Variants in FOXP1 observed in about 807,000 individuals in gnomAD.
FOXP1 encodes forkhead box protein P1.
Under a neutral mutation model 98.2 loss-of-function variants are expected in FOXP1, and 15 were observed. The ratio of observed to expected loss-of-function variants is 0.15; its 90% CI spans 0.10 to 0.24. The LOEUF (loss-of-function observed/expected upper bound fraction) is 0.24. Ranked by LOEUF, FOXP1 falls within the 10% of genes least tolerant of loss-of-function variation. The pLI is 1.00. For synonymous variants in FOXP1, 371 were observed against 314.5 expected, an observed-to-expected ratio of 1.18 and a Z score of -1.90; for missense variants, 633 against 848.5, an observed-to-expected ratio of 0.75 and a Z score of 3.15.
At chr3:71,240,958 C>T (rs1210402732) in intron 5 of FOXP1, among the ~76,000 whole-genome samples, 2 of 151,960 alleles carry the variant, frequency 1.3e-5, no homozygotes, top group Non-Finnish European at 2.9e-5. Context: ...CGCCTGTAAT[C>T]CCAGCACTTT....
chr3:71,003,164 C>G (rs190924544), intron 12 of FOXP1, among the ~76,000 whole-genome samples: 1 of 152,308 alleles, frequency 6.6e-6, no homozygotes, highest in Admixed American at 6.5e-5. Context: ...AAGTCACCCT[C>G]GCCAAACTGA....
chr3:71,320,212 T>C (rs1396889191), intron 4 of FOXP1, among the ~76,000 whole-genome samples: 1 of 152,086 alleles, frequency 6.6e-6, no homozygotes, highest in Admixed American at 6.5e-5. Flanking sequence ...TAACGTTGCA[T>C]GCTTACCCAC....
At chr3:71,143,890 A>C (rs1226291052) in intron 6 of FOXP1, among the ~76,000 whole-genome samples, 2 of 152,220 alleles carry the variant, frequency 1.3e-5, no homozygotes. Context: ...AATTTGGAAG[A>C]TGGGGCTAAG....
intron 2 of FOXP1, 130 bp downstream of exon 2, chr3:71,581,419 T>C (rs1181703238): frequency 1.0e-6 from 1 of 985,210 alleles, no homozygotes; most frequent in African/African-American, 1.7e-5. Flanking sequence ...ATGGGCACAT[T>C]CCTCGCTCCC....
intron 3 of FOXP1, among the ~76,000 whole-genome samples, chr3:71,365,812 A>G (rs1483832291): frequency 2.6e-5 from 4 of 152,156 alleles, no homozygotes; most frequent in African/African-American, 4.8e-5. Context: ...GTGAAACCCC[A>G]TCTCTACTAA....
At chr3:70,983,002 C>CTCAAG (rs1479335613) in intron 14 of FOXP1, among the ~76,000 whole-genome samples, 13 of 152,240 alleles carry the variant, frequency 8.5e-5, no homozygotes, top group African/African-American at 3.1e-4. Context: ...CCTGAGCCAG[C>CTCAAG]TCAAGTCCTG....
chr3:71,140,063 T>C (rs570242359), intron 6 of FOXP1, among the ~76,000 whole-genome samples: 6 of 152,342 alleles, frequency 3.9e-5, no homozygotes, highest in Admixed American at 1.3e-4. Flanking sequence ...ATCTGTTACA[T>C]AGAATATCTT....
intron 2 of FOXP1, among the ~76,000 whole-genome samples, chr3:71,528,964 C>T (rs913864509): frequency 3.9e-5 from 6 of 152,194 alleles, no homozygotes; most frequent in African/African-American, 1.4e-4. Context: ...TAAGAAGCAT[C>T]TCTGGTTTTG....
At chr3:71,468,576 CCAGGCTTCT>C (rs781433813) in intron 3 of FOXP1, among the ~76,000 whole-genome samples, 2 of 152,194 alleles carry the variant, frequency 1.3e-5, no homozygotes, top group African/African-American at 4.8e-5. Flanking sequence ...CACCCCCAAA[CCAGGCTTCT>C]CCTCTATATG....
chr3:70,989,574 CCATT>C (rs1392968120), intron 13 of FOXP1, among the ~76,000 whole-genome samples: 3 of 149,858 alleles, frequency 2.0e-5, no homozygotes, highest in African/African-American at 7.2e-5. Flanking sequence ...TATTTTTCTG[CCATT>C]ATTATTATTT....
intron 5 of FOXP1, among the ~76,000 whole-genome samples, chr3:71,281,765 T>C (rs531399878): frequency 6.6e-6 from 1 of 152,180 alleles, no homozygotes; most frequent in East Asian, 1.9e-4. Flanking sequence ...CTCAGGAACA[T>C]CTGGATGGCA....
In FOXP1 at chr3:70,958,502, G is replaced by C. The variant is rs1401357215; in HGVS notation, c.*745C>G. On this transcript the variant is annotated 3_prime_UTR_variant, in exon 21 of 21. Coordinates refer to ENST00000649528, the MANE Select transcript of FOXP1 (RefSeq NM_001349338.3). ...TGACAGAAAGCTACAAACGAGAAAT[G>C]ACATTCAGCTTTGTATAATAAAAAC... 1 of 377,504 alleles carries C rather than the reference G, an allele frequency of 2.6e-6. No individual in the cohort carries two copies. Among genetic ancestry groups the C allele is most frequent in the African/African-American group, 2.0e-5 (1 of 49,228 alleles). The allele number at this position is 377,504 out of a possible 1,614,324, so 23.4% of individuals were successfully genotyped here. A position where few individuals can be genotyped will look rare whatever the true frequency, so the allele number is the denominator to read the frequency against.
chr3:71,017,246 T>A (rs1429143335), intron 11 of FOXP1, among the ~76,000 whole-genome samples: 2 of 151,908 alleles, frequency 1.3e-5, no homozygotes, highest in Non-Finnish European at 2.9e-5. Context: ...ATGAATAAAA[T>A]AGAAATGCAA....
chr3:71,081,916 A>C (rs1184081850), intron 7 of FOXP1, among the ~76,000 whole-genome samples: 3 of 152,276 alleles, frequency 2.0e-5, no homozygotes, highest in Admixed American at 2.0e-4. Flanking sequence ...CTAACATATT[A>C]TCCACATTTG....
At position 71,015,557 on chromosome 3, in the gene FOXP1, T is replaced by C. The variant is rs375403534; in HGVS notation, c.966A>G (p.Ser322=). ...GCEAVCEDFQ[S]FLKHLNSEHA... ...AATAAAATCATTCTTACTTTAGAAA[T>C]GATTGGAAATCTTCGCACACTGCTT... The change falls in exon 12 of 21, where the codon TCA becomes TCG. Residue 322 remains serine, a synonymous_variant. Transcript: ENST00000649528. 6.2e-7 allele frequency: 1 copy of C among 1,605,550 alleles called. No homozygotes were observed. Among genetic ancestry groups the C allele is most frequent in the Non-Finnish European group, 8.5e-7 (1 of 1,172,470 alleles).
intron 6 of FOXP1, among the ~76,000 whole-genome samples, chr3:71,190,550 G>C (rs866119675): frequency 1.4e-5 from 2 of 143,600 alleles, no homozygotes; most frequent in South Asian, 4.4e-4. Flanking sequence ...GCCCGGGGAG[G>C]TAAAGCCTTC....
intron 3 of FOXP1, among the ~76,000 whole-genome samples, chr3:71,410,040 A>G (rs1223805465): frequency 6.6e-6 from 1 of 152,066 alleles, no homozygotes; most frequent in African/African-American, 2.4e-5. Context: ...AGCAACAACA[A>G]AACAACAAAA....
intron 7 of FOXP1, among the ~76,000 whole-genome samples, chr3:71,060,014 C>T (rs547001090): frequency 6.6e-6 from 1 of 152,228 alleles, no homozygotes; most frequent in East Asian, 1.9e-4. Context: ...TAATGTCTAT[C>T]TTCTGTCTAA....
chr3:70,971,351 G>C (rs2036197210), intron 18 of FOXP1: 2 of 167,178 alleles, frequency 1.2e-5, no homozygotes, highest in African/African-American at 4.8e-5. Context: ...TCCTAAATAA[G>C]GGGATGTCTT....
Sources: gnomAD v4.1 joint callset for allele counts (sites outside exome capture counted in the v4.1 genomes callset) on GRCh38, gnomAD v4.1.1 for gene constraint, MANE v1.5 for transcripts, NCBI Gene and HGNC (gene_info 2026-07-23, HGNC 2026-07-21) for gene names.